BBS9: variants seen among roughly 807,000 people sequenced by gnomAD.
BBS9 encodes protein PTHB1.
Under a neutral mutation model 117.7 loss-of-function variants are expected in BBS9, and 89 were observed. The observed-to-expected ratio is 0.76, with a 90% CI of 0.64 to 0.90. BBS9 has a LOEUF of 0.90. BBS9 is among the 40% of genes least tolerant of loss of function. The pLI is 0.00. For synonymous variants in BBS9, 379 were observed against 370.9 expected (o/e 1.02, Z -0.25); for missense variants, 982 against 1,042.2 (o/e 0.94, Z 0.80).
intron 19 of BBS9, among the ~76,000 whole-genome samples, chr7:33,493,444 CA>C (rs1844296361): frequency 6.6e-6 from 1 of 152,154 alleles, no homozygotes; most frequent in South Asian, 2.1e-4. Context: ...TGATAGCCAT[CA>C]AAAAGCTTGA....
intron 4 of BBS9, among the ~76,000 whole-genome samples, chr7:33,156,091 T>C (rs1473640280): frequency 6.6e-6 from 1 of 152,192 alleles, no homozygotes. Flanking sequence ...ACATTTTCTT[T>C]GGTGAACCTC....
intron 19 of BBS9, among the ~76,000 whole-genome samples, chr7:33,454,712 C>T (rs1015926897): frequency 1.3e-5 from 2 of 152,188 alleles, no homozygotes; most frequent in Admixed American, 1.3e-4. Context: ...TTGTGCACAC[C>T]TGCTATATAG....
intron 19 of BBS9, among the ~76,000 whole-genome samples, chr7:33,456,941 C>T (rs1485264562): frequency 1.3e-5 from 2 of 152,160 alleles, no homozygotes; most frequent in African/African-American, 4.8e-5. Context: ...AAATGAGTAG[C>T]ACTGTTAATT....
chr7:33,283,002 C>G (rs944907377), intron 9 of BBS9, among the ~76,000 whole-genome samples: 1 of 152,132 alleles, frequency 6.6e-6, no homozygotes, highest in Non-Finnish European at 1.5e-5. Flanking sequence ...TAAAACACTT[C>G]CATACATTTT....
chr7:33,460,972 T>C (rs1011082043), intron 19 of BBS9, among the ~76,000 whole-genome samples: 9 of 152,090 alleles, frequency 5.9e-5, no homozygotes. Flanking sequence ...TTTCATATAA[T>C]TGGAATTATA....
intron 9 of BBS9, among the ~76,000 whole-genome samples, chr7:33,301,958 A>G (rs1301266168): frequency 1.3e-5 from 2 of 152,120 alleles, no homozygotes; most frequent in African/African-American, 2.4e-5. Context: ...TGACTTTTAG[A>G]TAAAAGTCGT....
intron 7 of BBS9, among the ~76,000 whole-genome samples, chr7:33,268,327 G>C (rs1799165213): frequency 6.6e-6 from 1 of 152,138 alleles, no homozygotes; most frequent in African/African-American, 2.4e-5. Flanking sequence ...TAGCTATTTG[G>C]TGTGCTGTCT....
intron 7 of BBS9, 43 bp from the exon 8 acceptor site, chr7:33,272,969 T>A (rs982817096): frequency 6.3e-7 from 1 of 1,597,200 alleles, no homozygotes; most frequent in Non-Finnish European, 8.6e-7. Context: ...ACTGAAATTT[T>A]CTGAGGTTAG....
intron 19 of BBS9, among the ~76,000 whole-genome samples, chr7:33,420,298 G>A (rs571122358): frequency 6.6e-6 from 1 of 152,192 alleles, no homozygotes; most frequent in African/African-American, 2.4e-5. Context: ...ACTGAGCTTC[G>A]GTTCTGACCC....
At chr7:33,488,988 C>CT (rs869216155) in intron 19 of BBS9, among the ~76,000 whole-genome samples, 1,771 of 103,282 alleles carry the variant, frequency 0.017, 38 homozygotes, top group African/African-American at 0.019. Flanking sequence ...GGACAGACTT[C>CT]TTTTTTTTTT....
chr7:33,179,938 A>C (rs534634704), intron 5 of BBS9, among the ~76,000 whole-genome samples: 1 of 152,232 alleles, frequency 6.6e-6, no homozygotes, highest in African/African-American at 2.4e-5. Context: ...CTTCATTTTA[A>C]AGCTTAACTT....
chr7:33,544,649 T>C (rs573964469), intron 21 of BBS9, among the ~76,000 whole-genome samples: 1 of 152,304 alleles, frequency 6.6e-6, no homozygotes, highest in East Asian at 1.9e-4. Flanking sequence ...GGTTTAATGC[T>C]CTATTTTTGT....
chr7:33,457,565 AACTT>A (rs1416580637), intron 19 of BBS9, among the ~76,000 whole-genome samples: 8 of 152,188 alleles, frequency 5.3e-5, no homozygotes, highest in Admixed American at 5.2e-4. Context: ...TACCTTCTGA[AACTT>A]ACTTGTTGAT....
At chr7:33,535,759 G>A (rs925442596) in intron 21 of BBS9, among the ~76,000 whole-genome samples, 1 of 151,780 alleles carries the variant, frequency 6.6e-6, no homozygotes, top group African/African-American at 2.4e-5. Context: ...GAAAAACAAA[G>A]GAGACTTGAG....
intron 17 of BBS9, among the ~76,000 whole-genome samples, chr7:33,368,577 T>TACACACACACACACACACAC (rs201655079): frequency 6.7e-4 from 86 of 128,474 alleles, no homozygotes; most frequent in African/African-American, 2.0e-3. Flanking sequence ...GAGAAAAAAG[T>TACACACACACACACACACAC]ACACACACAC....
intron 2 of BBS9, among the ~76,000 whole-genome samples, chr7:33,146,809 T>A (rs1000102181): frequency 5.9e-5 from 9 of 152,188 alleles, no homozygotes; most frequent in Non-Finnish European, 8.8e-5. Context: ...GTAGTTTTTT[T>A]TAATAATATT....
intron 19 of BBS9, among the ~76,000 whole-genome samples, chr7:33,476,364 A>G (rs1431224046): frequency 6.6e-6 from 1 of 152,112 alleles, no homozygotes. Context: ...TCTGCTCTAT[A>G]TCTTAGAGGG....
chr7:33,582,968 G>A (rs940131303), intron 21 of BBS9, among the ~76,000 whole-genome samples: 3 of 152,106 alleles, frequency 2.0e-5, no homozygotes, highest in Non-Finnish European at 4.4e-5. Flanking sequence ...AGTAATGTGG[G>A]AGCCTGTACT....
intron 4 of BBS9, among the ~76,000 whole-genome samples, chr7:33,162,606 G>A (rs1795031432): frequency 6.6e-6 from 1 of 151,864 alleles, no homozygotes. Context: ...GTGAATGGGA[G>A]TTCACTCATG....
Sources: gnomAD v4.1 joint callset for allele counts (sites outside exome capture counted in the v4.1 genomes callset) on GRCh38, gnomAD v4.1.1 for gene constraint, MANE v1.5 for transcripts, NCBI Gene and HGNC (gene_info 2026-07-23, HGNC 2026-07-21) for gene names.